DNAH14: variants seen among roughly 807,000 people sequenced by gnomAD.
DNAH14 encodes the protein dynein axonemal heavy chain 14, also known as axonemal beta dynein heavy chain 14.
In DNAH14, 478 loss-of-function variants were observed where a neutral mutation model predicts 520.9. The ratio of observed to expected loss-of-function variants is 0.92; its 90% CI spans 0.85 to 0.99. DNAH14 has a LOEUF of 0.99. Ranked by LOEUF, DNAH14 falls within the 50% of genes least tolerant of loss-of-function variation. The pLI is 0.00. For missense variants in DNAH14, 4,831 were observed against 5,234.5 expected (o/e 0.92, Z 2.38); for synonymous variants, 1,581 against 1,757.2 (o/e 0.90, Z 2.51).
intron 36 of DNAH14, among the ~76,000 whole-genome samples, chr1:225,184,236 C>G (rs1436068426): frequency 6.6e-6 from 1 of 152,046 alleles, no homozygotes; most frequent in Non-Finnish European, 1.5e-5. Flanking sequence ...GTGAATTCAC[C>G]ATGATCAAGA....
At chr1:225,194,958 A>G (rs970456993) in intron 38 of DNAH14, among the ~76,000 whole-genome samples, 1 of 152,190 alleles carries the variant, frequency 6.6e-6, no homozygotes, top group Admixed American at 6.5e-5. Context: ...GAAAATCACA[A>G]TGAGATACCA....
intron 12 of DNAH14, among the ~76,000 whole-genome samples, chr1:225,040,334 T>G (rs893718936): frequency 1.3e-5 from 2 of 152,328 alleles, no homozygotes; most frequent in Non-Finnish European, 2.9e-5. Flanking sequence ...ATACACACTA[T>G]GTAGTTTGAA....
At chr1:225,279,005 T>C (rs1044747061) in intron 54 of DNAH14, among the ~76,000 whole-genome samples, 3 of 152,172 alleles carry the variant, frequency 2.0e-5, no homozygotes, top group African/African-American at 4.8e-5. Context: ...TTTGTTGTTT[T>C]TGTTTTTTTA....
chr1:225,161,304 A>T (rs1234366209), intron 35 of DNAH14, among the ~76,000 whole-genome samples: 3 of 152,220 alleles, frequency 2.0e-5, no homozygotes, highest in Non-Finnish European at 4.4e-5. Flanking sequence ...TATTTCACTT[A>T]ACATAATGAC....
chr1:225,228,964 A>ATGGCTT (rs1385017129), intron 41 of DNAH14, among the ~76,000 whole-genome samples: 1 of 152,172 alleles, frequency 6.6e-6, no homozygotes, highest in African/African-American at 2.4e-5. Context: ...GTTTATCTAA[A>ATGGCTT]TAGCTTGTTT....
At chr1:225,131,634 GGT>G (rs2078432746) in intron 27 of DNAH14, among the ~76,000 whole-genome samples, 1 of 152,056 alleles carries the variant, frequency 6.6e-6, no homozygotes, top group Non-Finnish European at 1.5e-5. Context: ...TGCCATTTAA[GGT>G]GACATATTCA....
chr1:225,032,343 G>A (rs2066593574), intron 11 of DNAH14, among the ~76,000 whole-genome samples: 1 of 152,060 alleles, frequency 6.6e-6, no homozygotes, highest in African/African-American at 2.4e-5. Context: ...TTGGTTTTGT[G>A]TTCTTGCATT....
intron 11 of DNAH14, among the ~76,000 whole-genome samples, chr1:225,027,618 A>G (rs995198033): frequency 3.3e-5 from 5 of 152,090 alleles, no homozygotes; most frequent in South Asian, 2.1e-4. Context: ...CTGGATCAGG[A>G]GGAAGAGATG....
At chr1:224,954,360 T>A (rs1383463005) in intron 2 of DNAH14, 1 of 152,170 alleles carries the variant, frequency 6.6e-6, no homozygotes, top group Admixed American at 6.5e-5. Flanking sequence ...CCCTTAACAC[T>A]ACATATAAGA....
chr1:225,081,757 T>C (rs145889949), intron 19 of DNAH14, among the ~76,000 whole-genome samples: 1 of 152,306 alleles, frequency 6.6e-6, no homozygotes, highest in African/African-American at 2.4e-5. Context: ...CTTTATTTTA[T>C]AAGTTGAGTA....
intron 10 of DNAH14, 73 bp from the exon 11 acceptor site, chr1:225,023,542 A>C: frequency 7.8e-7 from 1 of 1,283,866 alleles, no homozygotes; most frequent in Non-Finnish European, 1.0e-6. Context: ...TGATAAAAAA[A>C]ACTAAACTAG....
intron 60 of DNAH14, among the ~76,000 whole-genome samples, chr1:225,314,176 C>T (rs193153873): frequency 1.5e-3 from 224 of 152,162 alleles, no homozygotes; most frequent in South Asian, 5.0e-3. Flanking sequence ...TGCATTGATT[C>T]CTTTACCATT....
intron 72 of DNAH14, 70 bp from the exon 73 acceptor site, chr1:225,353,733 T>C: frequency 1.2e-6 from 1 of 816,290 alleles, no homozygotes. Context: ...GAAATTTTCA[T>C]TGTGATATGT....
At chr1:225,201,077 G>T (rs2086763452) in intron 38 of DNAH14, among the ~76,000 whole-genome samples, 1 of 151,574 alleles carries the variant, frequency 6.6e-6, no homozygotes, top group Admixed American at 6.6e-5. Context: ...TTATTATTTT[G>T]TCTTTGTTGG....
At position 225,078,844 on chromosome 1, in the gene DNAH14, CTCTCTCTCTCTCTCCCTCTCTCTCT is replaced by C. The variant is rs2072706824; in HGVS notation, c.2425-362_2425-338del. On this transcript the variant is annotated intron_variant, in intron 17 of 85. Coordinates refer to ENST00000682510, the MANE Select transcript of DNAH14 (RefSeq NM_001367479.1). Reference sequence around the variant, plus strand: ...TCTCTCCCTCTCTCTCTCTCTCTCCCTCTCTCTCTCTCTCCCTCTCTCTCTCTCTCTCTCTCTCTCTCTCTCTCTC... The same window carrying C: ...TCTCTCCCTCTCTCTCTCTCTCTCCCCTCTCTCTCTCTCTCTCTCTCTCTC... Among the ~76,000 whole-genome samples, 3 of 30,400 alleles carry C rather than the reference CTCTCTCTCTCTCTCCCTCTCTCTCT, an allele frequency of 9.9e-5. 1 individual carries two copies. The highest frequency in any genetic ancestry group is 2.0e-4 in the Non-Finnish European group (3 of 14,792). The allele number at this position is 30,400 out of a possible 152,430, so 19.9% of individuals were successfully genotyped here. A position where few individuals can be genotyped will look rare whatever the true frequency, so the allele number is the denominator to read the frequency against.
chr1:225,102,841 G>A (rs1294415000), intron 23 of DNAH14, among the ~76,000 whole-genome samples: 1 of 152,086 alleles, frequency 6.6e-6, no homozygotes, highest in Non-Finnish European at 1.5e-5. Context: ...CCTGTAGGTT[G>A]CCTGTTCACT....
chr1:224,995,119 T>C (rs2063310486), intron 8 of DNAH14, among the ~76,000 whole-genome samples: 1 of 152,156 alleles, frequency 6.6e-6, no homozygotes, highest in Non-Finnish European at 1.5e-5. Flanking sequence ...CTGAATATGG[T>C]TCAGTATTAT....
chr1:225,071,741 C>G (rs1431086278), intron 17 of DNAH14, among the ~76,000 whole-genome samples: 1 of 152,200 alleles, frequency 6.6e-6, no homozygotes, highest in Non-Finnish European at 1.5e-5. Flanking sequence ...GAAGGGGAAG[C>G]AAGCATGTTT....
intron 17 of DNAH14, among the ~76,000 whole-genome samples, chr1:225,078,452 A>C (rs2148547506): frequency 6.6e-6 from 1 of 152,266 alleles, no homozygotes; most frequent in Admixed American, 6.5e-5. Flanking sequence ...TTCATAACTT[A>C]CTTATTTTAT....
Sources: gnomAD v4.1 joint callset for allele counts (sites outside exome capture counted in the v4.1 genomes callset) on GRCh38, gnomAD v4.1.1 for gene constraint, MANE v1.5 for transcripts, NCBI Gene and HGNC (gene_info 2026-07-23, HGNC 2026-07-21) for gene names.